Variants in SHANK2 observed in about 807,000 individuals in gnomAD.
SHANK2 encodes SH3 and multiple ankyrin repeat domains 2.
Under a neutral mutation model 133.7 loss-of-function variants are expected in SHANK2, and 43 were observed. The ratio of observed to expected loss-of-function variants is 0.32; its 90% CI spans 0.25 to 0.41. The LOEUF is 0.41. SHANK2 is among the 10% of genes least tolerant of loss of function. SHANK2 has a pLI of 1.00. For synonymous variants in SHANK2, 1,017 were observed against 952.8 expected, an observed-to-expected ratio of 1.07 and a Z score of -1.24; for missense variants, 1,994 against 2,235.8, an observed-to-expected ratio of 0.89 and a Z score of 2.18.
At chr11:71,169,612 G>T (rs61582992) in intron 2 of SHANK2, among the ~76,000 whole-genome samples, 1 of 151,926 alleles carries the variant, frequency 6.6e-6, no homozygotes, top group African/African-American at 2.4e-5. Flanking sequence ...TTAGCCAGGT[G>T]TTGGGGGAGG....
At chr11:71,147,539 TC>T (rs1952681287) in intron 2 of SHANK2, among the ~76,000 whole-genome samples, 1 of 152,114 alleles carries the variant, frequency 6.6e-6, no homozygotes, top group Non-Finnish European at 1.5e-5. Context: ...CACCGCCTGC[TC>T]CTCCCTGGAG....
intron 3 of SHANK2, among the ~76,000 whole-genome samples, chr11:71,126,793 C>T (rs1952198925): frequency 1.4e-5 from 2 of 144,324 alleles, no homozygotes; most frequent in Admixed American, 1.4e-4. Context: ...GTGGGGCGAT[C>T]TTGGTTCACC....
chr11:70,730,335 G>A (rs1565275444), intron 14 of SHANK2, among the ~76,000 whole-genome samples: 1 of 152,074 alleles, frequency 6.6e-6, no homozygotes, highest in East Asian at 1.9e-4. Flanking sequence ...CCTGCCTAGT[G>A]CAACAGGCCC....
intron 2 of SHANK2, among the ~76,000 whole-genome samples, chr11:71,152,363 C>T (rs1184977561): frequency 6.6e-6 from 1 of 152,194 alleles, no homozygotes; most frequent in Non-Finnish European, 1.5e-5. Context: ...ATCCACCTGC[C>T]TCCACCTCCC....
chr11:70,914,469 A>G (rs757908722), intron 10 of SHANK2, among the ~76,000 whole-genome samples: 113 of 151,874 alleles, frequency 7.4e-4, no homozygotes, highest in Non-Finnish European at 1.5e-3. Flanking sequence ...AGCCTCGCAC[A>G]GAAAGGCCTT....
At chr11:70,608,371 G>A (rs1269093088) in intron 17 of SHANK2, among the ~76,000 whole-genome samples, 15 of 152,190 alleles carry the variant, frequency 9.9e-5, no homozygotes, top group African/African-American at 3.4e-4. Context: ...TAGGGGGCCT[G>A]CAGGCTTCCA....
intron 6 of SHANK2, among the ~76,000 whole-genome samples, chr11:71,109,590 A>G (rs1951859443): frequency 6.6e-6 from 1 of 152,192 alleles, no homozygotes; most frequent in Non-Finnish European, 1.5e-5. Flanking sequence ...AGAAACACAC[A>G]TCCTCCACCT....
At chr11:71,214,348 G>A (rs1954355281) in intron 2 of SHANK2, among the ~76,000 whole-genome samples, 1 of 152,182 alleles carries the variant, frequency 6.6e-6, no homozygotes, top group Admixed American at 6.5e-5. Context: ...ACCGCGTGCT[G>A]GCTCCCCTCT....
chr11:70,534,178 C>T (rs544428628), intron 17 of SHANK2, among the ~76,000 whole-genome samples: 4 of 152,222 alleles, frequency 2.6e-5, no homozygotes, highest in Non-Finnish European at 4.4e-5. Context: ...TTAATTGACT[C>T]ACAGTTCTGC....
Position 71,085,739 on chromosome 11 carries a change from T to A in SHANK2, c.912+6683A>T, listed in dbSNP as rs1360153525. Among the ~76,000 whole-genome samples the A allele has an allele frequency of 9.6e-5, 7 of 72,754 alleles. No homozygotes were observed. The Admixed American group carries it at 1.3e-3, about 14-fold the overall frequency. The allele number at this position is 72,754 out of a possible 152,430, so 47.7% of individuals were successfully genotyped here. ...ATTATATTATATAAAATATAATATA[T>A]TATATAATATATTATGTTATATAAT... On this transcript the variant is annotated intron_variant, in intron 8 of 25. Transcript: ENST00000601538.
intron 17 of SHANK2, among the ~76,000 whole-genome samples, chr11:70,527,409 G>A (rs1226401775): frequency 2.6e-5 from 4 of 152,320 alleles, no homozygotes; most frequent in South Asian, 2.1e-4. Flanking sequence ...CATGGTCCCC[G>A]CTTCCCAGTG....
intron 11 of SHANK2, among the ~76,000 whole-genome samples, chr11:70,822,388 A>C (rs1435389960): frequency 6.6e-6 from 1 of 152,268 alleles, no homozygotes; most frequent in Non-Finnish European, 1.5e-5. Context: ...CACAGGTGGC[A>C]GTGACGAAGC....
chr11:71,193,742 C>A (rs1953841299), intron 2 of SHANK2, among the ~76,000 whole-genome samples: 1 of 152,182 alleles, frequency 6.6e-6, no homozygotes, highest in Admixed American at 6.5e-5. Flanking sequence ...TCCCACGCCC[C>A]CGGAGGCCAG....
At chr11:71,108,336 G>A (rs1188905765) in intron 6 of SHANK2, among the ~76,000 whole-genome samples, 1 of 152,078 alleles carries the variant, frequency 6.6e-6, no homozygotes, top group Non-Finnish European at 1.5e-5. Flanking sequence ...GCCCTCCATC[G>A]CACCACCATG....
intron 17 of SHANK2, among the ~76,000 whole-genome samples, chr11:70,529,750 G>C (rs2059444241): frequency 6.6e-6 from 1 of 152,006 alleles, no homozygotes; most frequent in Admixed American, 6.6e-5. Context: ...CTGTGGATTT[G>C]CCTATTCTGG....
intron 14 of SHANK2, among the ~76,000 whole-genome samples, chr11:70,780,862 T>A (rs1947468687): frequency 1.3e-5 from 2 of 152,192 alleles, no homozygotes; most frequent in Admixed American, 6.5e-5. Flanking sequence ...GCCCTGGCTG[T>A]AATTCACATT....
chr11:70,925,032 C>A (rs2135777306), intron 10 of SHANK2, among the ~76,000 whole-genome samples: 1 of 152,236 alleles, frequency 6.6e-6, no homozygotes, highest in East Asian at 1.9e-4. Flanking sequence ...TCTAAGCTTC[C>A]CTCCACCAAG....
chr11:70,691,354 TC>T, intron 15 of SHANK2, among the ~76,000 whole-genome samples: 1 of 151,798 alleles, frequency 6.6e-6, no homozygotes, highest in East Asian at 1.9e-4. Context: ...GACACTCAGG[TC>T]CCCCGTTTAG....
intron 11 of SHANK2, among the ~76,000 whole-genome samples, chr11:70,842,567 C>G (rs909478615): frequency 1.3e-5 from 2 of 152,198 alleles, no homozygotes; most frequent in African/African-American, 4.8e-5. Context: ...GAACTGGGCA[C>G]AGGGAGGGGT....
Sources: allele counts gnomAD v4.1 joint callset (sites outside exome capture counted in the v4.1 genomes callset), GRCh38; gene constraint gnomAD v4.1.1; transcripts MANE v1.5; gene names NCBI Gene and HGNC (gene_info 2026-07-23, HGNC 2026-07-21).